The following CCDC91 variants were observed in gnomAD, a reference collection of about 807,000 sequenced individuals.
CCDC91 encodes the protein coiled-coil domain-containing protein 91.
In CCDC91, 48 loss-of-function variants were observed where a neutral mutation model predicts 63.2. That is an observed-to-expected ratio of 0.76 (90% CI 0.60 to 0.97). The LOEUF is 0.97. Among genes scored for constraint, CCDC91 ranks in the 50% least tolerant of loss-of-function variants. CCDC91 has a pLI of 0.00. For synonymous variants in CCDC91, 167 were observed against 165.8 expected, an observed-to-expected ratio of 1.01 and a Z score of -0.06; for missense variants, 500 against 494.6, an observed-to-expected ratio of 1.01 and a Z score of -0.10.
At chr12:28,386,291 G>A (rs936654385) in intron 7 of CCDC91, among the ~76,000 whole-genome samples, 2 of 152,124 alleles carry the variant, frequency 1.3e-5, no homozygotes, top group African/African-American at 4.8e-5. Context: ...TATGTACAAG[G>A]CAGTCTAAAA....
At chr12:28,352,257 T>G (rs992280418) in intron 6 of CCDC91, among the ~76,000 whole-genome samples, 5 of 152,224 alleles carry the variant, frequency 3.3e-5, no homozygotes, top group Non-Finnish European at 5.9e-5. Flanking sequence ...GGGTGGTGGT[T>G]GCTGAAGGTT....
chr12:28,372,332 A>G (rs1405378569), intron 7 of CCDC91, among the ~76,000 whole-genome samples: 2 of 151,820 alleles, frequency 1.3e-5, no homozygotes, highest in African/African-American at 4.8e-5. Context: ...GTTTTATATG[A>G]ATTTTAGGAT....
At chr12:28,406,758 T>C (rs1352917343) in intron 8 of CCDC91, among the ~76,000 whole-genome samples, 8 of 152,124 alleles carry the variant, frequency 5.3e-5, no homozygotes. Flanking sequence ...ATTCATAGTT[T>C]ATGAATCATT....
intron 11 of CCDC91, among the ~76,000 whole-genome samples, chr12:28,467,024 G>C (rs544019420): frequency 2.0e-5 from 3 of 152,044 alleles, no homozygotes; most frequent in Non-Finnish European, 4.4e-5. Context: ...ATTTTAAGTT[G>C]TTATGAGCTT....
chr12:28,235,602 A>C (rs1944894184), intron 1 of CCDC91, among the ~76,000 whole-genome samples: 1 of 151,150 alleles, frequency 6.6e-6, no homozygotes, highest in Non-Finnish European at 1.5e-5. Flanking sequence ...ATTAAAAAAA[A>C]AAAAAGACGA....
chr12:28,489,992 T>C (rs1951913136), intron 12 of CCDC91, among the ~76,000 whole-genome samples: 1 of 151,944 alleles, frequency 6.6e-6, no homozygotes, highest in Non-Finnish European at 1.5e-5. Context: ...AGTCCTAAAA[T>C]TCTGTTAAGA....
At chr12:28,447,577 C>T (rs1201680858) in intron 8 of CCDC91, among the ~76,000 whole-genome samples, 1 of 149,818 alleles carries the variant, frequency 6.7e-6, no homozygotes, top group Non-Finnish European at 1.5e-5. Flanking sequence ...TTTGGCTGGG[C>T]ACGGCGGCTC....
At chr12:28,387,717 AT>A (rs1945690965) in intron 7 of CCDC91, among the ~76,000 whole-genome samples, 1 of 152,122 alleles carries the variant, frequency 6.6e-6, no homozygotes, top group Non-Finnish European at 1.5e-5. Context: ...AATGCCATTA[AT>A]TCATTCCTTT....
intron 11 of CCDC91, among the ~76,000 whole-genome samples, chr12:28,474,367 G>A (rs1950973643): frequency 6.6e-6 from 1 of 151,940 alleles, no homozygotes; most frequent in Admixed American, 6.6e-5. Context: ...GCACTATGAT[G>A]GGATGAGAAT....
intron 7 of CCDC91, among the ~76,000 whole-genome samples, chr12:28,388,207 C>A (rs1385597128): frequency 1.3e-5 from 2 of 152,080 alleles, no homozygotes; most frequent in East Asian, 1.9e-4. Flanking sequence ...ATGTCCTTAG[C>A]CTACTTTTTG....
intron 1 of CCDC91, among the ~76,000 whole-genome samples, chr12:28,243,656 T>G (rs1945505193): frequency 6.6e-6 from 1 of 152,060 alleles, no homozygotes; most frequent in African/African-American, 2.4e-5. Flanking sequence ...AAGAGATATA[T>G]AACATAAATC....
At chr12:28,264,512 T>C (rs1947044719) in intron 3 of CCDC91, among the ~76,000 whole-genome samples, 1 of 151,150 alleles carries the variant, frequency 6.6e-6, no homozygotes, top group South Asian at 2.1e-4. Flanking sequence ...GCTATCTTCT[T>C]ATATATAAAT....
intron 8 of CCDC91, among the ~76,000 whole-genome samples, chr12:28,417,642 C>T (rs201614303): frequency 0.059 from 2,938 of 49,612 alleles, 49 homozygotes; most frequent in African/African-American, 0.069. Flanking sequence ...TATATATATA[C>T]ACACACACAC....
chr12:28,278,856 T>C (rs964208235), intron 3 of CCDC91, among the ~76,000 whole-genome samples: 6 of 152,078 alleles, frequency 3.9e-5, no homozygotes, highest in African/African-American at 7.2e-5. Context: ...TACCTGTTTC[T>C]TTATTTGTAA....
rs114492966 is a variant in CCDC91, at chr12:28,490,281, G to A, written c.1215+6116G>A. 5.6e-3 allele frequency among the ~76,000 whole-genome samples: 845 copies of A among 151,792 alleles called. 8 individuals are homozygous for A. Among genetic ancestry groups the A allele is most frequent in the African/African-American group, 0.02 (819 of 41,472 alleles). ...TAAAGCATCTGCCCTTGTAACTTTT[G>A]ATTTGGGTCTCATATTTGAAAATGC... On this transcript the variant is annotated intron_variant, in intron 12 of 12. Coordinates refer to ENST00000536442, the MANE Select transcript of CCDC91 (RefSeq NM_018318.5).
At chr12:28,286,520 G>A (rs141011853) in intron 3 of CCDC91, among the ~76,000 whole-genome samples, 3 of 152,286 alleles carry the variant, frequency 2.0e-5, no homozygotes, top group African/African-American at 7.2e-5. Flanking sequence ...CTCCATCCAT[G>A]TTCCTGCAAA....
At chr12:28,477,495 C>A (rs188904578) in intron 11 of CCDC91, among the ~76,000 whole-genome samples, 1 of 152,054 alleles carries the variant, frequency 6.6e-6, no homozygotes, top group African/African-American at 2.4e-5. Context: ...TTATGACAAA[C>A]CCACAGCCAA....
chr12:28,347,981 C>G (rs1372544950), intron 6 of CCDC91, among the ~76,000 whole-genome samples: 1 of 152,140 alleles, frequency 6.6e-6, no homozygotes, highest in Non-Finnish European at 1.5e-5. Context: ...CCATTCATGC[C>G]TTTATTTCCC....
chr12:28,317,192 A>G (rs1265120400), intron 6 of CCDC91, among the ~76,000 whole-genome samples: 4 of 151,968 alleles, frequency 2.6e-5, no homozygotes, highest in Non-Finnish European at 5.9e-5. Flanking sequence ...GGCATTCACA[A>G]GGGATATAGA....
Sources: gnomAD v4.1 joint callset for allele counts (sites outside exome capture counted in the v4.1 genomes callset) on GRCh38, gnomAD v4.1.1 for gene constraint, MANE v1.5 for transcripts, NCBI Gene and HGNC (gene_info 2026-07-23, HGNC 2026-07-21) for gene names.